The following FER1L6 variants were observed in gnomAD, a reference collection of about 807,000 sequenced individuals.
The protein encoded by FER1L6 is fer-1-like protein 6.
Under a neutral mutation model 219.2 loss-of-function variants are expected in FER1L6, and 177 were observed. That is an observed-to-expected ratio of 0.81 (90% confidence interval 0.71 to 0.91). The LOEUF (loss-of-function observed/expected upper bound fraction) is 0.91. Ranked by LOEUF, FER1L6 falls within the 40% of genes least tolerant of loss-of-function variation. The pLI is 0.00. For missense variants in FER1L6, 2,153 were observed against 2,259.9 expected (o/e 0.95, Z 0.96); for synonymous variants, 768 against 824.3 (o/e 0.93, Z 1.17).
intron 1 of FER1L6, among the ~76,000 whole-genome samples, chr8:123,872,113 A>G (rs1173417873): frequency 1.3e-5 from 2 of 152,098 alleles, no homozygotes; most frequent in Non-Finnish European, 1.5e-5. Context: ...TGAGAGAGAG[A>G]GTGAGGTGCC....
intron 1 of FER1L6, among the ~76,000 whole-genome samples, chr8:123,886,933 T>A (rs1210984628): frequency 2.0e-5 from 3 of 152,112 alleles, no homozygotes; most frequent in Non-Finnish European, 4.4e-5. Context: ...ACAGTTTTTT[T>A]TAAAATAAAT....
chr8:123,990,726 G>A (rs1159136066), intron 12 of FER1L6, among the ~76,000 whole-genome samples: 1 of 152,098 alleles, frequency 6.6e-6, no homozygotes, highest in African/African-American at 2.4e-5. Flanking sequence ...GTTTAATTAG[G>A]TCCCACTTAT....
At chr8:124,089,323 G>C (rs1821920896) in intron 33 of FER1L6, among the ~76,000 whole-genome samples, 1 of 152,156 alleles carries the variant, frequency 6.6e-6, no homozygotes, top group African/African-American at 2.4e-5. Context: ...CACAATTATT[G>C]TGTTCTTCCT....
At chr8:124,074,510 G>A (rs562391676) in intron 31 of FER1L6, among the ~76,000 whole-genome samples, 12 of 151,884 alleles carry the variant, frequency 7.9e-5, no homozygotes, top group African/African-American at 2.9e-4. Context: ...AAATTAGTGG[G>A]GCGTGGTGGC....
chr8:123,962,713 G>C (rs931997260), intron 2 of FER1L6, among the ~76,000 whole-genome samples: 1 of 152,168 alleles, frequency 6.6e-6, no homozygotes, highest in Non-Finnish European at 1.5e-5. Flanking sequence ...TGCAACATCT[G>C]TCCCGCTGGG....
chr8:123,965,878 C>A, intron 3 of FER1L6, 129 bp from the exon 4 acceptor site: 1 of 848,086 alleles, frequency 1.2e-6, no homozygotes, highest in Non-Finnish European at 1.8e-6. Context: ...TACTTATCTC[C>A]CCCAGAGATG....
chr8:123,866,530 C>T (rs956465949), intron 1 of FER1L6, among the ~76,000 whole-genome samples: 2 of 152,026 alleles, frequency 1.3e-5, no homozygotes, highest in Admixed American at 6.5e-5. Flanking sequence ...CTGAATCATA[C>T]AGTAATTCTA....
chr8:124,026,443 G>A (rs2130659491), intron 18 of FER1L6, among the ~76,000 whole-genome samples: 1 of 152,274 alleles, frequency 6.6e-6, no homozygotes, highest in Admixed American at 6.5e-5. Flanking sequence ...GAGGAGATTT[G>A]ACAGCATGAG....
chr8:124,088,253 G>A (rs1373281485), intron 33 of FER1L6, among the ~76,000 whole-genome samples: 1 of 152,076 alleles, frequency 6.6e-6, no homozygotes, highest in Non-Finnish European at 1.5e-5. Context: ...CAAACCACAA[G>A]ATAAAGTCCT....
chr8:123,897,551 A>G (rs1259121577), intron 1 of FER1L6, among the ~76,000 whole-genome samples: 1 of 152,224 alleles, frequency 6.6e-6, no homozygotes, highest in Non-Finnish European at 1.5e-5. Context: ...TAGTTACAAC[A>G]TAATTACGTA....
chr8:124,110,570 C>T (rs1430622261), intron 39 of FER1L6, among the ~76,000 whole-genome samples: 1 of 152,104 alleles, frequency 6.6e-6, no homozygotes, highest in Non-Finnish European at 1.5e-5. Flanking sequence ...AACTCAAAAG[C>T]TAGTAAAGTT....
At chr8:124,091,349 A>G (rs1253492101) in intron 33 of FER1L6, 74 bp from the exon 34 acceptor site, 2 of 1,230,426 alleles carry the variant, frequency 1.6e-6, no homozygotes, top group East Asian at 5.0e-5. Context: ...TTAAATCTGA[A>G]AGAAACTGCA....
intron 39 of FER1L6, among the ~76,000 whole-genome samples, chr8:124,105,477 A>G (rs796573057): frequency 3.3e-5 from 5 of 152,240 alleles, no homozygotes; most frequent in African/African-American, 1.2e-4. Context: ...TGTGTAGACA[A>G]TGGTCAGAAG....
chr8:123,951,938 A>G (rs898627598), intron 1 of FER1L6, among the ~76,000 whole-genome samples: 1 of 152,148 alleles, frequency 6.6e-6, no homozygotes, highest in African/African-American at 2.4e-5. Flanking sequence ...ATTTGGCCTG[A>G]GCTGCCTCCA....
At chr8:123,867,391 A>G (rs1173918021) in intron 1 of FER1L6, among the ~76,000 whole-genome samples, 1 of 152,170 alleles carries the variant, frequency 6.6e-6, no homozygotes, top group African/African-American at 2.4e-5. Context: ...ATGGTCTTCT[A>G]TGGCCACATA....
At chr8:123,991,481 T>C (rs1479145870) in intron 12 of FER1L6, among the ~76,000 whole-genome samples, 1 of 152,070 alleles carries the variant, frequency 6.6e-6, no homozygotes, top group Non-Finnish European at 1.5e-5. Flanking sequence ...TAAAAGGGAT[T>C]GTGTTCTTGA....
rs1812789072 is a variant in FER1L6 at position 123,898,635 on chromosome 8, A to C, written c.-8+46450A>C. Among the ~76,000 whole-genome samples the C allele has an allele frequency of 2.2e-5, 3 of 138,180 alleles. No homozygotes were observed. The Admixed American group carries it at 2.2e-4, about 10-fold the overall frequency. 90.7% of individuals were successfully genotyped at this position (138,180 alleles called of 152,430 possible). ...TCAGTCCTTTTTATGGCTGAGTAGTATTCCATTTTATATATATATATATGT... is the reference window on the plus strand; with the variant it reads ...TCAGTCCTTTTTATGGCTGAGTAGTCTTCCATTTTATATATATATATATGT... On this transcript the variant is annotated intron_variant, in intron 1 of 40. Transcript: ENST00000522917.
intron 35 of FER1L6, among the ~76,000 whole-genome samples, 199 bp from the exon 36 acceptor site, chr8:124,097,072 G>GATATATATATATATAT (rs565301549): frequency 1.6e-4 from 24 of 146,836 alleles, no homozygotes; most frequent in African/African-American, 5.8e-4. Context: ...AATTCCTAAA[G>GATATATATATATATAT]ATATATATAT....
chr8:124,054,153 G>A (rs764286841), intron 22 of FER1L6, among the ~76,000 whole-genome samples: 1 of 152,072 alleles, frequency 6.6e-6, no homozygotes, highest in Non-Finnish European at 1.5e-5. Flanking sequence ...CCTCCCTGCT[G>A]GGCTACTGGC....
Sources: allele counts gnomAD v4.1 joint callset (sites outside exome capture counted in the v4.1 genomes callset), GRCh38; gene constraint gnomAD v4.1.1; transcripts MANE v1.5; gene names NCBI Gene and HGNC (gene_info 2026-07-23, HGNC 2026-07-21).